Variants in CYP39A1 observed in about 807,000 individuals in gnomAD.
CYP39A1 encodes the protein cytochrome P450 family 39 subfamily A member 1.
In CYP39A1, 49 loss-of-function variants were observed where a neutral mutation model predicts 58.1. The ratio of observed to expected loss-of-function variants is 0.84; its 90% CI spans 0.67 to 1.07. The LOEUF is 1.07. Ranked by LOEUF, CYP39A1 falls within the 50% of genes least tolerant of loss-of-function variation. CYP39A1 has a pLI of 0.00. For missense variants in CYP39A1, 531 were observed against 539.4 expected (o/e 0.98, Z 0.16); for synonymous variants, 209 against 187.6 (o/e 1.11, Z -0.93).
At chr6:46,578,340 A>T (rs1465694734) in intron 10 of CYP39A1, among the ~76,000 whole-genome samples, 2 of 152,090 alleles carry the variant, frequency 1.3e-5, no homozygotes, top group African/African-American at 4.8e-5. Context: ...TCTCAAATTA[A>T]CAATCTAATA....
At chr6:46,620,353 C>T (rs761817073) in intron 7 of CYP39A1, among the ~76,000 whole-genome samples, 1 of 152,180 alleles carries the variant, frequency 6.6e-6, no homozygotes, top group African/African-American at 2.4e-5. Flanking sequence ...ACTTGCAAGA[C>T]TGTCTTTATT....
At position 46,601,308 on chromosome 6, in the gene CYP39A1, G is replaced by T. The variant is rs189966202; in HGVS notation, c.932-5188C>A. Among the ~76,000 whole-genome samples, 10 of 152,272 alleles carry T rather than the reference G, an allele frequency of 6.6e-5. No homozygotes were observed. In the East Asian group the frequency reaches 1.9e-3, roughly 29 times the overall value. On this transcript the variant is annotated intron_variant, in intron 7 of 11. Transcript: ENST00000275016. ...GAATATTTCTCACCTGGTCCAGGGT[G>T]ACAGCCTTCATCATGCTTCCTACTC...
intron 7 of CYP39A1, among the ~76,000 whole-genome samples, chr6:46,614,958 A>C (rs1192878839): frequency 6.6e-6 from 1 of 152,118 alleles, no homozygotes; most frequent in Non-Finnish European, 1.5e-5. Context: ...TTCATCCTGC[A>C]ATACCTGCAG....
In CYP39A1 at chr6:46,567,623, C is replaced by A. The variant is rs559328994; in HGVS notation, c.1251-13769G>T. 8.5e-5 allele frequency among the ~76,000 whole-genome samples: 13 copies of A among 152,164 alleles called. No homozygotes were observed. In the East Asian group the frequency reaches 2.1e-3, roughly 25 times the overall value. ...GGTTCCAATTTCTCCACATCCTCAC[C>A]AACACTTGTTATTTTCTTTGTTTAC... On this transcript the variant is annotated intron_variant, in intron 10 of 11. Coordinates refer to ENST00000275016, the MANE Select transcript of CYP39A1 (RefSeq NM_016593.5).
intron 10 of CYP39A1, among the ~76,000 whole-genome samples, chr6:46,563,788 A>G (rs1423357457): frequency 6.6e-6 from 1 of 152,082 alleles, no homozygotes; most frequent in African/African-American, 2.4e-5. Context: ...CAAGGGGAGG[A>G]GTGGACACTC....
intron 7 of CYP39A1, among the ~76,000 whole-genome samples, chr6:46,609,184 G>A (rs1227350169): frequency 6.6e-6 from 1 of 151,750 alleles, no homozygotes; most frequent in East Asian, 2.0e-4. Context: ...GGCGGATTAC[G>A]AGGTCAGAAG....
rs144703503 is a variant in CYP39A1 at position 46,583,600 on chromosome 6, G to A, written c.1250+3477C>T. The A allele has an allele frequency of 9.3e-4, 913 of 985,138 alleles. 8 individuals are homozygous for A. In the South Asian group the frequency reaches 0.016, roughly 17 times the overall value. The allele number at this position is 985,138 out of a possible 1,614,324, so 61.0% of individuals were successfully genotyped here. On this transcript the variant is annotated intron_variant, in intron 10 of 11. Transcript: ENST00000275016. ...TGTTTTTCTGAAACAAAACAAAACA[G>A]AAATAAATCACCAGACTTCTCCAGT...
At chr6:46,590,959 C>A (rs973424497) in intron 8 of CYP39A1, among the ~76,000 whole-genome samples, 1 of 152,200 alleles carries the variant, frequency 6.6e-6, no homozygotes, top group African/African-American at 2.4e-5. Context: ...GTAAATAGTG[C>A]CACCATAAGC....
rs570631517 is a variant in CYP39A1, at chr6:46,556,088, A to C, written c.1251-2234T>G. 2.6e-5 allele frequency among the ~76,000 whole-genome samples: 4 copies of C among 152,338 alleles called. No homozygotes were observed. The South Asian group carries it at 8.3e-4, about 32-fold the overall frequency. On this transcript the variant is annotated intron_variant, in intron 10 of 11. Transcript: ENST00000275016. ...ACTAAGGTTTTGTCAAACTTTTCAC[A>C]AATTGGAATTTCCATTCCTGGCCAT...
intron 10 of CYP39A1, among the ~76,000 whole-genome samples, chr6:46,576,462 A>G (rs1294473905): frequency 2.0e-5 from 3 of 152,150 alleles, no homozygotes; most frequent in Non-Finnish European, 4.4e-5. Flanking sequence ...CCTCCAAACT[A>G]CCACATTAGC....
At chr6:46,571,823 T>C (rs1011979768) in intron 10 of CYP39A1, among the ~76,000 whole-genome samples, 3 of 152,126 alleles carry the variant, frequency 2.0e-5, no homozygotes, top group Admixed American at 1.3e-4. Flanking sequence ...TCTTGCTATC[T>C]TCCTTTCTGA....
At chr6:46,572,814 AG>A (rs1415106435) in intron 10 of CYP39A1, among the ~76,000 whole-genome samples, 2 of 152,064 alleles carry the variant, frequency 1.3e-5, no homozygotes, top group Non-Finnish European at 2.9e-5. Context: ...TTTCATTATT[AG>A]TGTCCCTTAA....
chr6:46,610,858 A>C (rs1217266619), intron 7 of CYP39A1, among the ~76,000 whole-genome samples: 1 of 152,176 alleles, frequency 6.6e-6, no homozygotes, highest in African/African-American at 2.4e-5. Context: ...AAAATCTTGT[A>C]GTTTCCTCCA....
intron 9 of CYP39A1, 40 bp from the exon 10 acceptor site, chr6:46,587,205 T>C (rs1561968187): frequency 2.3e-6 from 3 of 1,294,784 alleles, no homozygotes; most frequent in African/African-American, 1.5e-5. Flanking sequence ...ATCAGCCTTA[T>C]ATAAATAAGC....
At chr6:46,590,413 G>A (rs902814439) in intron 8 of CYP39A1, among the ~76,000 whole-genome samples, 1 of 152,090 alleles carries the variant, frequency 6.6e-6, no homozygotes, top group Non-Finnish European at 1.5e-5. Context: ...AGAGCTAAGT[G>A]GGTGCCAGGA....
intron 7 of CYP39A1, among the ~76,000 whole-genome samples, chr6:46,620,640 C>G (rs560541561): frequency 1.3e-4 from 19 of 151,628 alleles, no homozygotes; most frequent in African/African-American, 4.1e-4. Context: ...AGGCCACAAG[C>G]TGTCATGTAC....
At position 46,553,835 on chromosome 6, in the gene CYP39A1, C is replaced by T. The variant is rs1465984789; in HGVS notation, c.1270G>A (p.Val424Ile). The change falls in exon 11 of 12, where the codon GTT becomes ATT. Residue 424 changes from valine (V) to isoleucine (I), a missense_variant. Coordinates refer to ENST00000275016, the MANE Select transcript of CYP39A1 (RefSeq NM_016593.5). ...CPARWFALLE[V>I]QMCIILILYK... ...AGTATTAAAATAATACACATCTGAA[C>T]CTCTAACAGAGCAAACCACCTGGAA... 1 of 1,606,254 alleles carries T rather than the reference C, an allele frequency of 6.2e-7. No individual in the cohort carries two copies. Among genetic ancestry groups the T allele is most frequent in the African/African-American group, 1.3e-5 (1 of 74,486 alleles).
At chr6:46,645,618 T>A (rs1303550666) in intron 1 of CYP39A1, among the ~76,000 whole-genome samples, 1 of 152,152 alleles carries the variant, frequency 6.6e-6, no homozygotes, top group Non-Finnish European at 1.5e-5. Flanking sequence ...TCTCATTCTA[T>A]TCTACTTTTT....
intron 10 of CYP39A1, among the ~76,000 whole-genome samples, chr6:46,564,077 G>A (rs1475973876): frequency 7.1e-6 from 1 of 140,620 alleles, no homozygotes; most frequent in East Asian, 2.0e-4. Flanking sequence ...AGGTGAAGGA[G>A]ACCTAGTTTG....
Sources: allele counts gnomAD v4.1 joint callset (sites outside exome capture counted in the v4.1 genomes callset), GRCh38; gene constraint gnomAD v4.1.1; transcripts MANE v1.5; gene names NCBI Gene and HGNC (gene_info 2026-07-23, HGNC 2026-07-21).